The following CHRDL1 variants were observed in gnomAD, a reference collection of about 807,000 sequenced individuals.
CHRDL1 encodes the protein chordin-like protein 1.
Under a neutral mutation model 40.9 loss-of-function variants are expected in CHRDL1, and 19 were observed. The observed-to-expected ratio is 0.46, with a 90% CI of 0.32 to 0.68. The LOEUF is 0.68. CHRDL1 is among the 30% of genes least tolerant of loss of function. The probability of loss-of-function intolerance (pLI) is 0.03; values close to 1 mark genes in which losing one functional copy is unlikely to be tolerated. For missense variants in CHRDL1, 329 were observed against 352.1 expected, an observed-to-expected ratio of 0.93 and a Z score of 0.53; for synonymous variants, 136 against 123.4, an observed-to-expected ratio of 1.10 and a Z score of -0.68.
chrX:110,698,168 C>G (rs2070439322), intron 7 of CHRDL1, among the ~76,000 whole-genome samples: 1 of 111,217 alleles, frequency 9.0e-6, no homozygotes, highest in African/African-American at 3.3e-5. Flanking sequence ...TTAGGGCTGC[C>G]TTTTCTTCTT....
At chrX:110,749,545 T>C (rs2089320354) in intron 4 of CHRDL1, among the ~76,000 whole-genome samples, 1 of 111,865 alleles carries the variant, frequency 8.9e-6, no homozygotes, top group Non-Finnish European at 1.9e-5. Flanking sequence ...TCTTAGAGTA[T>C]ATGTGGCAAA....
At chrX:110,705,314 C>T (rs1396705517) in intron 6 of CHRDL1, among the ~76,000 whole-genome samples, 2 of 73,482 alleles carry the variant, frequency 2.7e-5, no homozygotes, top group African/African-American at 1.2e-4. Flanking sequence ...TACACACACA[C>T]ATATATATAT....
intron 6 of CHRDL1, among the ~76,000 whole-genome samples, chrX:110,719,285 A>T (rs937571747): frequency 8.9e-6 from 1 of 111,914 alleles, no homozygotes; most frequent in African/African-American, 3.2e-5. Flanking sequence ...ATTATAAAAA[A>T]AATAAAACCT....
intron 9 of CHRDL1, among the ~76,000 whole-genome samples, chrX:110,682,574 C>T (rs1242463636): frequency 8.9e-6 from 1 of 112,453 alleles, no homozygotes; most frequent in Non-Finnish European, 1.9e-5. Context: ...ACAACAGAAG[C>T]CATCTGTAAG....
At chrX:110,716,900 C>T (rs2070852286) in intron 6 of CHRDL1, among the ~76,000 whole-genome samples, 2 of 111,452 alleles carry the variant, frequency 1.8e-5, no homozygotes, top group Non-Finnish European at 1.9e-5. Flanking sequence ...CATCCCAGTT[C>T]CTTATCATGA....
At chrX:110,707,446 A>G (rs1458452815) in intron 6 of CHRDL1, among the ~76,000 whole-genome samples, 2 of 111,764 alleles carry the variant, frequency 1.8e-5, no homozygotes, top group African/African-American at 6.5e-5. Flanking sequence ...AAACAGATAT[A>G]TAGACCAATG....
intron 2 of CHRDL1, among the ~76,000 whole-genome samples, chrX:110,789,992 T>C (rs980273428): frequency 3.6e-5 from 4 of 112,601 alleles, no homozygotes; most frequent in Non-Finnish European, 7.5e-5. Context: ...TAACTATTTA[T>C]CTATGAACTG....
At chrX:110,689,796 CATCTATATATCTATATATATCTATAT>C (rs1569462253) in intron 8 of CHRDL1, among the ~76,000 whole-genome samples, 1 of 1,951 alleles carries the variant, frequency 5.1e-4, no homozygotes, top group Non-Finnish European at 9.0e-4. Context: ...TATATCTATA[CATCTATATATCTATATATATCTATAT>C]ATCTATATAT....
intron 2 of CHRDL1, among the ~76,000 whole-genome samples, chrX:110,780,492 C>T (rs1373471040): frequency 9.0e-6 from 1 of 111,687 alleles, no homozygotes; most frequent in Non-Finnish European, 1.9e-5. Context: ...ATTTATTAAC[C>T]AATCCCCTAT....
At chrX:110,699,285 T>C (rs1252331464) in intron 7 of CHRDL1, among the ~76,000 whole-genome samples, 2 of 111,554 alleles carry the variant, frequency 1.8e-5, no homozygotes, top group African/African-American at 6.5e-5. Flanking sequence ...AAGTTAGAAG[T>C]GGCCCATGTG....
intron 8 of CHRDL1, among the ~76,000 whole-genome samples, chrX:110,693,456 A>T (rs193154343): frequency 7.2e-5 from 8 of 111,264 alleles, no homozygotes; most frequent in African/African-American, 2.3e-4. Context: ...GGCTCAAGTG[A>T]TCCTCCTGTC....
At chrX:110,754,178 T>C (rs2089410633) in intron 4 of CHRDL1, among the ~76,000 whole-genome samples, 1 of 112,275 alleles carries the variant, frequency 8.9e-6, no homozygotes, top group African/African-American at 3.2e-5. Flanking sequence ...CTCTATAACT[T>C]AGCAGCTTCA....
chrX:110,705,708 C>T (rs956311112), intron 6 of CHRDL1, among the ~76,000 whole-genome samples: 3 of 106,452 alleles, frequency 2.8e-5, no homozygotes, highest in Non-Finnish European at 3.9e-5. Context: ...CCAAAAACAT[C>T]GGAAATCTGA....
chrX:110,691,492 A>T (rs1350472708), intron 8 of CHRDL1, among the ~76,000 whole-genome samples: 1 of 110,135 alleles, frequency 9.1e-6, no homozygotes. Context: ...CCATCACCTC[A>T]TCACACCCAG....
intron 3 of CHRDL1, 61 bp downstream of exon 3, chrX:110,762,634 T>C (rs773769657): frequency 4.5e-6 from 3 of 666,898 alleles, no homozygotes; most frequent in East Asian, 6.6e-5. Flanking sequence ...ATTTGGGCAC[T>C]GAAAGCCTCT....
At chrX:110,750,954 G>C (rs1307517656) in intron 4 of CHRDL1, among the ~76,000 whole-genome samples, 1 of 111,821 alleles carries the variant, frequency 8.9e-6, no homozygotes, top group Non-Finnish European at 1.9e-5. Context: ...CAGCCCTCTG[G>C]AGATCCCACT....
At chrX:110,698,872 G>C (rs1394302248) in intron 7 of CHRDL1, among the ~76,000 whole-genome samples, 1 of 111,328 alleles carries the variant, frequency 9.0e-6, no homozygotes, top group Non-Finnish European at 1.9e-5. Flanking sequence ...ATGACATCTG[G>C]TTGACAGCCA....
chrX:110,756,416 C>T (rs113131940), intron 4 of CHRDL1, among the ~76,000 whole-genome samples: 88 of 111,068 alleles, frequency 7.9e-4, no homozygotes, highest in African/African-American at 2.5e-3. Context: ...TCACACTACT[C>T]GCATGTAAAC....
intron 7 of CHRDL1, among the ~76,000 whole-genome samples, chrX:110,698,805 C>T (rs181730277): frequency 2.4e-4 from 27 of 112,005 alleles, no homozygotes; most frequent in Non-Finnish European, 4.5e-4. Flanking sequence ...AGTGTGGGGG[C>T]CTCTCAGGGA....
Sources: allele counts gnomAD v4.1 joint callset (sites outside exome capture counted in the v4.1 genomes callset), GRCh38; gene constraint gnomAD v4.1.1; transcripts MANE v1.5; gene names NCBI Gene and HGNC (gene_info 2026-07-23, HGNC 2026-07-21).